C22orf15: variants seen among roughly 807,000 people sequenced by gnomAD.
C22orf15 encodes the protein chromosome 22 open reading frame 15.
In C22orf15, 21 loss-of-function variants were observed where a neutral mutation model predicts 20.3. The observed-to-expected ratio is 1.04, with a 90% CI of 0.74 to 1.49. The LOEUF (loss-of-function observed/expected upper bound fraction) is 1.49. C22orf15 is among the 40% of genes most tolerant of loss of function. C22orf15 has a pLI of 0.00. For synonymous variants in C22orf15, 78 were observed against 75.4 expected, an observed-to-expected ratio of 1.03 and a Z score of -0.18; for missense variants, 170 against 191.1, an observed-to-expected ratio of 0.89 and a Z score of 0.65.
At chr22:23,763,399 C>T (rs1051451566) in intron 1 of C22orf15, 68 bp downstream of exon 1, 5 of 1,486,454 alleles carry the variant, frequency 3.4e-6, no homozygotes, top group African/African-American at 2.9e-5. Context: ...TGCTTCCTTC[C>T]GCCCTTGCGG....
At chr22:23,763,463 CG>C in intron 1 of C22orf15, 132 bp downstream of exon 1, 1 of 965,562 alleles carries the variant, frequency 1.0e-6, no homozygotes, top group Non-Finnish European at 1.5e-6. Context: ...CGGGGGTCGT[CG>C]GGGAAGCGGC....
At chr22:23,763,958 G>C (rs1036213271) in intron 1 of C22orf15, 129 bp from the exon 2 acceptor site, 1 of 827,350 alleles carries the variant, frequency 1.2e-6, no homozygotes, top group Non-Finnish European at 1.9e-6. Context: ...TGTTATGCCC[G>C]GGGCACAGTC....
Position 23,763,093 on chromosome 22 carries a change from C to A in C22orf15, c.-214C>A. The A allele has an allele frequency of 1.7e-6, 1 of 597,704 alleles. No homozygotes were observed. Among genetic ancestry groups the A allele is most frequent in the Non-Finnish European group, 2.9e-6 (1 of 349,376 alleles). The allele number at this position is 597,704 out of a possible 1,614,324, so 37.0% of individuals were successfully genotyped here. The stretch of plus-strand genomic sequence containing the variant: ...GGAAGAGGAGGCCAGGAGTCTTGGA[C>A]TAGCTGCAGGGTTTGAGCTAGGCTG... On this transcript the variant is annotated 5_prime_UTR_variant, in exon 1 of 6. Transcript: ENST00000402217.
chr22:23,765,670 C>T, intron 5 of C22orf15, 51 bp from the exon 6 acceptor site: 3 of 1,531,750 alleles, frequency 2.0e-6, no homozygotes, highest in Non-Finnish European at 2.6e-6. Context: ...AGGAATCTGT[C>T]CTGTGCTACC....
At chr22:23,763,467 G>A in intron 1 of C22orf15, 136 bp downstream of exon 1, 1 of 1,018,196 alleles carries the variant, frequency 9.8e-7, no homozygotes. Flanking sequence ...GGTCGTCGGG[G>A]AAGCGGCTCT....
chr22:23,765,571 C>A (rs1926661569), intron 5 of C22orf15, 150 bp from the exon 6 acceptor site: 10 of 1,526,008 alleles, frequency 6.6e-6, no homozygotes, highest in Non-Finnish European at 7.9e-6. Context: ...AAGGGGGAGA[C>A]CATGGGTTCA....
In C22orf15 at chr22:23,764,684, A is replaced by C. The variant is rs1601346237; in HGVS notation, c.296A>C (p.Asn99Thr). The C allele has an allele frequency of 6.2e-7, 1 of 1,614,060 alleles. No individual in the cohort carries two copies. The highest frequency in any genetic ancestry group is 1.1e-5 in the South Asian group (1 of 91,096). ...ASTRYESLLE[N>T]LDDHYPELAE... ...ACCCGCTATGAGTCCCTATTGGAGAACCTGGATGACCATTACCCAGAGCTG... is the reference window on the plus strand; with the variant it reads ...ACCCGCTATGAGTCCCTATTGGAGACCCTGGATGACCATTACCCAGAGCTG... Residue 99 changes from asparagine (N) to threonine (T), a missense_variant, in exon 4 of 6, where the codon AAC becomes ACC. Coordinates refer to ENST00000402217, the MANE Select transcript of C22orf15 (RefSeq NM_182520.3).
chr22:23,764,342 C>T lies in C22orf15; in HGVS notation c.195C>T (p.Thr65=), dbSNP rs1249551105. 3.2e-6 allele frequency: 5 copies of T among 1,551,558 alleles called. No homozygotes were observed. The highest frequency in any genetic ancestry group is 1.7e-6 in the Non-Finnish European group (2 of 1,147,016). The change falls in exon 3 of 6, where the codon ACC becomes ACT. Residue 65 remains threonine, a synonymous_variant. Transcript: ENST00000402217. ...AGGAAGGGGCTTCCCGGGCCCAGACCATGGGCAACTCCCTACTGAAGGAGC... is the reference window on the plus strand; with the variant it reads ...AGGAAGGGGCTTCCCGGGCCCAGACTATGGGCAACTCCCTACTGAAGGAGC... ...DLKEGASRAQ[T]MGNSLLKERA... is the part of the protein sequence containing the mutation.
At chr22:23,764,488 G>GA in intron 3 of C22orf15, 91 bp downstream of exon 3, 1 of 1,585,610 alleles carries the variant, frequency 6.3e-7, no homozygotes, top group Non-Finnish European at 8.7e-7. Context: ...GCCCTGTCCG[G>GA]CCTCCCACCT....
rs1926268425 is a variant in C22orf15, at chr22:23,764,301, C to T, written c.154C>T (p.Leu52=). The T allele has an allele frequency of 6.4e-7, 1 of 1,551,558 alleles. No homozygotes were observed. Among genetic ancestry groups the T allele is most frequent in the Non-Finnish European group, 8.7e-7 (1 of 1,146,978 alleles). ...GGCTGAGGATGGCAACCTAGTGAGC[C>T]TGGAGGAGGACCTGAAGGAAGGGGC... ...LLAEDGNLVS[L]EEDLKEGASR... The change falls in exon 3 of 6, where the codon CTG becomes TTG. Residue 52 remains leucine (L), a synonymous_variant. Coordinates refer to ENST00000402217, the MANE Select transcript of C22orf15 (RefSeq NM_182520.3).
At chr22:23,765,395 C>G in intron 5 of C22orf15, 2 of 1,551,048 alleles carry the variant, frequency 1.3e-6, no homozygotes, top group South Asian at 1.2e-5. Flanking sequence ...AGACAACAAC[C>G]CAGCAGGACT....
Position 23,764,373 on chromosome 22 carries a change from A to T in C22orf15, c.226A>T (p.Ile76Leu). The T allele has an allele frequency of 6.4e-7, 1 of 1,553,600 alleles. No individual in the cohort carries two copies. ...CAACTCCCTACTGAAGGAGCGAGCC[A>T]TATATGTCCTCGTTCGGATCATCAG... ...MGNSLLKERA[I>L]YVLVRIIKGE... Residue 76 changes from isoleucine (I) to leucine (L), a missense_variant, in exon 3 of 6, where the codon ATA becomes TTA. Coordinates refer to ENST00000402217, the MANE Select transcript of C22orf15 (RefSeq NM_182520.3).
rs1479279796 is a variant in C22orf15 at position 23,764,291 on chromosome 22, C to T, written c.144C>T (p.Asn48=). 14 of 1,551,562 alleles carry T rather than the reference C, an allele frequency of 9.0e-6. No homozygotes were observed. The South Asian group carries it at 1.7e-4, about 18-fold the overall frequency. The change falls in exon 3 of 6, where the codon AAC becomes AAT. Residue 48 remains asparagine (N), a synonymous_variant. Coordinates refer to ENST00000402217, the MANE Select transcript of C22orf15 (RefSeq NM_182520.3). ...TTGCTCTCCTGGCTGAGGATGGCAA[C>T]CTAGTGAGCCTGGAGGAGGACCTGA... The part of the protein sequence containing the change: ...ATIALLAEDG[N]LVSLEEDLKE...
In C22orf15 at chr22:23,764,266, T is replaced by C. The variant is rs553969002; in HGVS notation, c.119T>C (p.Ile40Thr). 140 of 1,551,616 alleles carry C rather than the reference T, an allele frequency of 9.0e-5. No homozygotes were observed. The highest frequency in any genetic ancestry group is 3.3e-4 in the Middle Eastern group (2 of 5,992). The change falls in exon 3 of 6, where the codon ATT becomes ACT. Residue 40 changes from isoleucine to threonine, a missense_variant. Transcript: ENST00000402217. ...QKAGLPPDAT[I>T]ALLAEDGNLV... ...TCTCTCCATGTCCTCCCAGCGACCA[T>C]TGCTCTCCTGGCTGAGGATGGCAAC...
chr22:23,764,303 G>C lies in C22orf15; in HGVS notation c.156G>C (p.Leu52=). 6.4e-7 allele frequency: 1 copy of C among 1,551,686 alleles called. No homozygotes were observed. The highest frequency in any genetic ancestry group is 8.7e-7 in the Non-Finnish European group (1 of 1,146,978). ...CTGAGGATGGCAACCTAGTGAGCCT[G>C]GAGGAGGACCTGAAGGAAGGGGCTT... ...LLAEDGNLVS[L]EEDLKEGASR... is the part of the protein sequence containing the mutation. Residue 52 remains leucine, a synonymous_variant, in exon 3 of 6, where the codon CTG becomes CTC. Transcript: ENST00000402217.
rs539279119 is a variant in C22orf15, at chr22:23,763,318, G to C, written c.12G>C (p.Lys4Asn). MFI[K>N]VMFGAGCSVL... ...CACCCGCTGCAGCTATGTTTATCAAGGTGATGTTTGGGGGTAAGTGGGGTC... is the reference window on the plus strand; with the variant it reads ...CACCCGCTGCAGCTATGTTTATCAACGTGATGTTTGGGGGTAAGTGGGGTC... The change falls in exon 1 of 6, where the codon AAG becomes AAC. Residue 4 changes from lysine to asparagine, a missense_variant. By Grantham distance (94) the Lys-to-Asn change is moderately conservative (BLOSUM62 0). Coordinates refer to ENST00000402217, the MANE Select transcript of C22orf15 (RefSeq NM_182520.3). 7.7e-6 allele frequency: 12 copies of C among 1,549,942 alleles called. No homozygotes were observed. Among genetic ancestry groups the C allele is most frequent in the African/African-American group, 1.4e-5 (1 of 72,986 alleles).
chr22:23,764,504 G>A, intron 3 of C22orf15, 107 bp downstream of exon 3: 1 of 1,570,916 alleles, frequency 6.4e-7, no homozygotes, highest in Non-Finnish European at 8.8e-7. Context: ...CACCTCGGCT[G>A]GGGACCTAGC....
rs774585856 is a variant in C22orf15, at chr22:23,764,917, AC to A, written c.435+18del. On this transcript the variant is annotated intron_variant, in intron 5 of 5. Transcript: ENST00000402217. ...GGCCCAGAAAGGTGAGCTCCCTGCCACCCAGGAGTTGCTAGCTGGGGCAGGG... is the reference window on the plus strand; with the variant it reads ...GGCCCAGAAAGGTGAGCTCCCTGCCACCAGGAGTTGCTAGCTGGGGCAGGG... 6.3e-7 allele frequency: 1 copy of A among 1,599,648 alleles called. No individual in the cohort carries two copies. The highest frequency in any genetic ancestry group is 8.5e-7 in the Non-Finnish European group (1 of 1,171,486).
intron 4 of C22orf15, 22 bp downstream of exon 4, chr22:23,764,735 A>G: frequency 6.2e-7 from 1 of 1,614,126 alleles, no homozygotes; most frequent in Non-Finnish European, 8.5e-7. Context: ...GGTACAGCCC[A>G]GGGGGAGGGC....
Sources: gnomAD v4.1 joint callset for allele counts on GRCh38, gnomAD v4.1.1 for gene constraint, MANE v1.5 for transcripts, NCBI Gene and HGNC (gene_info 2026-07-23, HGNC 2026-07-21) for gene names.